Variants in TENM1 observed in about 807,000 individuals in gnomAD.
The protein encoded by TENM1 is teneurin-1.
Under a neutral mutation model 174.8 loss-of-function variants are expected in TENM1, and 35 were observed. The ratio of observed to expected loss-of-function variants is 0.20; its 90% CI spans 0.15 to 0.27. TENM1 has a LOEUF of 0.27. TENM1 is among the 10% of genes least tolerant of loss of function. TENM1 has a pLI of 1.00. For missense variants in TENM1, 1,633 were observed against 2,130.1 expected, an observed-to-expected ratio of 0.77 and a Z score of 4.59; for synonymous variants, 781 against 798.7, an observed-to-expected ratio of 0.98 and a Z score of 0.37.
At chrX:124,843,147 T>C (rs760400394) in intron 3 of TENM1, among the ~76,000 whole-genome samples, 2 of 111,725 alleles carry the variant, frequency 1.8e-5, no homozygotes, top group African/African-American at 3.3e-5. Context: ...AAAGCGATCA[T>C]GTACTGGGTA....
the TENM1 span, among the ~76,000 whole-genome samples, chrX:124,990,353 C>G: frequency 8.9e-6 from 1 of 112,755 alleles, no homozygotes. Flanking sequence ...GATAATTAAT[C>G]TTATTTTCAG....
chrX:124,890,204 G>A (rs111640384), intron 3 of TENM1, among the ~76,000 whole-genome samples: 1,322 of 111,283 alleles, frequency 0.012, 20 homozygotes, highest in African/African-American at 0.041. Flanking sequence ...ACATTTTATA[G>A]TTCAACTGTT....
At chrX:125,193,758 T>C in the TENM1 span, among the ~76,000 whole-genome samples, 5 of 110,531 alleles carry the variant, frequency 4.5e-5, no homozygotes, top group Admixed American at 9.7e-5. Flanking sequence ...GACACCCAGA[T>C]CTCTAATTCT....
intron 6 of TENM1, among the ~76,000 whole-genome samples, chrX:124,668,520 T>TA (rs2051831509): frequency 9.0e-6 from 1 of 111,682 alleles, no homozygotes; most frequent in African/African-American, 3.3e-5. Flanking sequence ...TATGCAGCCA[T>TA]AAAAAAGGAT....
intron 3 of TENM1, among the ~76,000 whole-genome samples, chrX:124,791,866 G>C (rs912996201): frequency 1.8e-5 from 2 of 111,372 alleles, no homozygotes; most frequent in Non-Finnish European, 3.8e-5. Flanking sequence ...AATTGCGTGT[G>C]TGTGTGTGTG....
chrX:124,751,724 G>A (rs1243272990), intron 3 of TENM1, among the ~76,000 whole-genome samples: 1 of 96,126 alleles, frequency 1.0e-5, no homozygotes, highest in East Asian at 3.4e-4. Context: ...TCCCACCTAT[G>A]AGTGAGAACA....
intron 14 of TENM1, among the ~76,000 whole-genome samples, chrX:124,556,277 C>T (rs745690038): frequency 2.0e-5 from 2 of 101,629 alleles, no homozygotes; most frequent in Non-Finnish European, 4.0e-5. Flanking sequence ...AAACCCATCT[C>T]TACTAAAAAT....
chrX:125,184,372 G>A, the TENM1 span, among the ~76,000 whole-genome samples: 1,706 of 111,430 alleles, frequency 0.015, 34 homozygotes, highest in African/African-American at 0.053. Context: ...GCAAAATCTC[G>A]ACTTACTTTT....
At chrX:125,074,731 G>C in the TENM1 span, among the ~76,000 whole-genome samples, 1 of 110,770 alleles carries the variant, frequency 9.0e-6, no homozygotes, top group Admixed American at 9.6e-5. Flanking sequence ...TCCTAGTCTA[G>C]TCAGCTCTAT....
chrX:124,816,075 T>C lies in TENM1; in HGVS notation c.535+78221A>G, dbSNP rs138263271. Among the ~76,000 whole-genome samples, 4 of 111,959 alleles carry C rather than the reference T, an allele frequency of 3.6e-5. No individual in the cohort carries two copies. The East Asian group carries it at 1.1e-3, about 31-fold the overall frequency. On this transcript the variant is annotated intron_variant, in intron 3 of 31. Coordinates refer to ENST00000422452, the Ensembl canonical transcript of TENM1. ...CGTTTGTGTTTCTTCTTGAATATTT[T>C]GGAAATTATTTGATTTGTGAATATA...
At chrX:124,463,250 T>C (rs958430200) in intron 22 of TENM1, among the ~76,000 whole-genome samples, 6 of 111,947 alleles carry the variant, frequency 5.4e-5, no homozygotes, top group Non-Finnish European at 1.1e-4. Context: ...GATAATGCAT[T>C]TGACCGCTCA....
chrX:124,747,600 C>T (rs1329879546), intron 3 of TENM1, among the ~76,000 whole-genome samples: 1 of 107,614 alleles, frequency 9.3e-6, no homozygotes, highest in Admixed American at 9.8e-5. Flanking sequence ...CTTCGTTAAG[C>T]TCATTCAAGT....
At chrX:124,833,294 G>C (rs1313834224) in intron 3 of TENM1, among the ~76,000 whole-genome samples, 1 of 111,835 alleles carries the variant, frequency 8.9e-6, no homozygotes, top group African/African-American at 3.2e-5. Flanking sequence ...CTTTCAAAAA[G>C]TTTCTGCCCA....
intron 4 of TENM1, among the ~76,000 whole-genome samples, chrX:124,723,607 T>C (rs911799650): frequency 1.0e-5 from 1 of 99,534 alleles, no homozygotes; most frequent in Non-Finnish European, 2.0e-5. Flanking sequence ...TTTTTTGTTT[T>C]TTTTTTTTTT....
intron 15 of TENM1, among the ~76,000 whole-genome samples, chrX:124,536,695 C>T (rs747518656): frequency 3.7e-4 from 41 of 111,680 alleles, no homozygotes; most frequent in African/African-American, 1.1e-3. Context: ...TTCAGGACTG[C>T]GTAAGTGCCA....
chrX:125,046,806 T>G, the TENM1 span, among the ~76,000 whole-genome samples: 5,224 of 109,897 alleles, frequency 0.048, 282 homozygotes, highest in African/African-American at 0.16. Context: ...GATAGCAGAT[T>G]TACTCATACA....
intron 1 of TENM1, among the ~76,000 whole-genome samples, chrX:124,903,545 T>C (rs2057697249): frequency 8.9e-6 from 1 of 112,089 alleles, no homozygotes; most frequent in South Asian, 3.7e-4. Context: ...AAATTTGATG[T>C]GGGAATAAGC....
chrX:125,102,699 T>C, the TENM1 span, among the ~76,000 whole-genome samples: 1 of 112,548 alleles, frequency 8.9e-6, no homozygotes, highest in African/African-American at 3.2e-5. Flanking sequence ...CACATTCTAG[T>C]TTCAAACAGG....
intron 25 of TENM1, among the ~76,000 whole-genome samples, chrX:124,410,763 A>G (rs1987644): frequency 0.47 from 52,744 of 111,114 alleles, 9,043 homozygotes; most frequent in African/African-American, 0.51. Flanking sequence ...AGACACATGA[A>G]AAAATGTTCA....
Sources: gnomAD v4.1 joint callset for allele counts (sites outside exome capture counted in the v4.1 genomes callset) on GRCh38, gnomAD v4.1.1 for gene constraint, MANE v1.5 for transcripts, NCBI Gene and HGNC (gene_info 2026-07-23, HGNC 2026-07-21) for gene names.